The following DMD variants were observed in gnomAD, a reference collection of about 807,000 sequenced individuals.
DMD encodes mutant dystrophin.
DMD carries 63 observed loss-of-function variants against 330.1 expected under a neutral mutation model. The ratio of observed to expected loss-of-function variants is 0.19; its 90% CI spans 0.16 to 0.24. The LOEUF is 0.24. DMD is among the 10% of genes least tolerant of loss of function. The pLI, the probability that DMD is intolerant of heterozygous loss-of-function variation, is 1.00. For synonymous variants in DMD, 1,223 were observed against 959.8 expected (o/e 1.27, Z -5.07); for missense variants, 3,344 against 2,684.1 (o/e 1.25, Z -5.43).
chrX:32,092,724 C>CTTTTTTT lies in DMD; in HGVS notation c.6438+124185_6438+124191dup, dbSNP rs11315047. Among the ~76,000 whole-genome samples, 133 of 39,762 alleles carry CTTTTTTT rather than the reference C, an allele frequency of 3.3e-3. 10 individuals are homozygous for CTTTTTTT. Among genetic ancestry groups the CTTTTTTT allele is most frequent in the African/African-American group, 5.3e-3 (48 of 9,077 alleles). 34.5% of individuals were successfully genotyped at this position (39,762 alleles called of 115,157 possible). ...AAAAATGTTCATCACGTTATTTTCACTTTTTTTTTTTTTTTTTTTTTTTTT... is the reference window on the plus strand; with the variant it reads ...AAAAATGTTCATCACGTTATTTTCACTTTTTTTTTTTTTTTTTTTTTTTTTTTTTTTT... On this transcript the variant is annotated intron_variant, in intron 44 of 78. Coordinates refer to ENST00000357033, the MANE Select transcript of DMD (RefSeq NM_004006.3).
intron 60 of DMD, among the ~76,000 whole-genome samples, chrX:31,441,816 TG>T (rs1404770336): frequency 4.5e-5 from 5 of 112,167 alleles, no homozygotes; most frequent in Non-Finnish European, 7.5e-5. Context: ...CCTCATTTCT[TG>T]CTTTCTTCTC....
intron 34 of DMD, among the ~76,000 whole-genome samples, chrX:32,369,082 T>G (rs184578650): frequency 9.0e-6 from 1 of 111,440 alleles, no homozygotes; most frequent in East Asian, 2.8e-4. Context: ...GGAAAATATC[T>G]GACATAAGTA....
chrX:32,932,265 C>T (rs1392642154), intron 2 of DMD, among the ~76,000 whole-genome samples: 2 of 112,400 alleles, frequency 1.8e-5, no homozygotes, highest in African/African-American at 6.5e-5. Context: ...CTGATTAACA[C>T]TGATACTGCT....
chrX:31,555,602 T>C (rs2074762618), intron 55 of DMD, among the ~76,000 whole-genome samples: 1 of 111,841 alleles, frequency 8.9e-6, no homozygotes, highest in Non-Finnish European at 1.9e-5. Flanking sequence ...CATCAGGCTA[T>C]TTTGGCAAGT....
At chrX:32,286,801 G>A (rs2097443586) in intron 43 of DMD, among the ~76,000 whole-genome samples, 2 of 111,395 alleles carry the variant, frequency 1.8e-5, no homozygotes, top group Admixed American at 9.6e-5. Flanking sequence ...ATTATTAGAC[G>A]AATGATTTGA....
chrX:31,432,180 CCTTT>C (rs1239304224), intron 60 of DMD, among the ~76,000 whole-genome samples: 4 of 111,583 alleles, frequency 3.6e-5, no homozygotes, highest in Non-Finnish European at 7.5e-5. Context: ...TTGAAAGTAC[CCTTT>C]CTATTTAAAG....
At chrX:32,317,839 CT>C (rs34543898) in intron 41 of DMD, among the ~76,000 whole-genome samples, 5,413 of 100,920 alleles carry the variant, frequency 0.054, 351 homozygotes, top group African/African-American at 0.18. Flanking sequence ...GTGATGGAGC[CT>C]TTTTTTTTTT....
At chrX:32,103,737 G>A (rs767879586) in intron 44 of DMD, among the ~76,000 whole-genome samples, 1 of 112,055 alleles carries the variant, frequency 8.9e-6, no homozygotes, top group East Asian at 2.8e-4. Flanking sequence ...TATTATATTC[G>A]TAAACACTGC....
chrX:31,664,670 T>TTG (rs1295984736), intron 53 of DMD, among the ~76,000 whole-genome samples: 2 of 105,961 alleles, frequency 1.9e-5, no homozygotes, highest in African/African-American at 6.9e-5. Context: ...ATAAGTTTTT[T>TTG]TTTTTTTTTT....
Position 32,573,663 on chromosome X carries a change from GAATA to G in DMD, c.1705-30_1705-27del, listed in dbSNP as rs766009944. The G allele has an allele frequency of 1.8e-5, 21 of 1,196,639 alleles. No homozygotes were observed. The Admixed American group carries it at 2.6e-4, about 15-fold the overall frequency. ...CTGCAAGACATTAAAGAATTCCAAG[GAATA>G]AATAAACATAAATCTTTACTTTTCC... On this transcript the variant is annotated intron_variant, in intron 14 of 78. Coordinates refer to ENST00000357033, the MANE Select transcript of DMD (RefSeq NM_004006.3).
chrX:31,479,287 G>A (rs2068061667), intron 57 of DMD, among the ~76,000 whole-genome samples, 184 bp from the exon 58 acceptor site: 1 of 111,755 alleles, frequency 8.9e-6, no homozygotes, highest in African/African-American at 3.3e-5. Context: ...AATGAGGAAA[G>A]CGCTGTGTTT....
intron 55 of DMD, among the ~76,000 whole-genome samples, chrX:31,510,779 G>C (rs1386494506): frequency 1.8e-5 from 2 of 110,671 alleles, no homozygotes; most frequent in South Asian, 3.9e-4. Flanking sequence ...AAAGTGCTTG[G>C]ATTACAGGCG....
intron 44 of DMD, among the ~76,000 whole-genome samples, chrX:32,089,883 C>T (rs1420444209): frequency 4.5e-5 from 5 of 111,476 alleles, no homozygotes; most frequent in Admixed American, 9.6e-5. Context: ...TTTCAACGAC[C>T]GAACTAATTT....
chrX:32,559,207 C>A (rs2050719304), intron 16 of DMD, among the ~76,000 whole-genome samples: 1 of 109,807 alleles, frequency 9.1e-6, no homozygotes, highest in Non-Finnish European at 1.9e-5. Context: ...CCTGCCTTGT[C>A]CTCCCAAAGT....
intron 43 of DMD, among the ~76,000 whole-genome samples, chrX:32,279,652 A>ACCAGAGG (rs1349630986): frequency 2.2e-5 from 2 of 90,508 alleles, no homozygotes; most frequent in Admixed American, 2.6e-4. Context: ...AAGGATGGTT[A>ACCAGAGG]CCAGAGGCTG....
At chrX:32,117,712 C>T (rs1603626191) in intron 44 of DMD, among the ~76,000 whole-genome samples, 1 of 112,063 alleles carries the variant, frequency 8.9e-6, no homozygotes, top group African/African-American at 3.2e-5. Flanking sequence ...TGTACTCTCC[C>T]AAATCAGAGA....
intron 11 of DMD, among the ~76,000 whole-genome samples, chrX:32,641,146 C>T (rs1339317197): frequency 1.8e-5 from 2 of 111,006 alleles, no homozygotes; most frequent in Non-Finnish European, 3.8e-5. Context: ...AAAGTCTTAC[C>T]TGGATCACAA....
intron 7 of DMD, among the ~76,000 whole-genome samples, chrX:32,786,841 A>G (rs1210250379): frequency 8.9e-6 from 1 of 112,039 alleles, no homozygotes; most frequent in Non-Finnish European, 1.9e-5. Context: ...GTTGCAAATG[A>G]CCAAAATAAT....
At chrX:31,425,973 C>T (rs2063694208) in intron 60 of DMD, among the ~76,000 whole-genome samples, 1 of 111,387 alleles carries the variant, frequency 9.0e-6, no homozygotes, top group Non-Finnish European at 1.9e-5. Flanking sequence ...AGCAGCATAA[C>T]TTGGCAACCT....
Sources: gnomAD v4.1 joint callset for allele counts (sites outside exome capture counted in the v4.1 genomes callset) on GRCh38, gnomAD v4.1.1 for gene constraint, MANE v1.5 for transcripts, NCBI Gene and HGNC (gene_info 2026-07-23, HGNC 2026-07-21) for gene names.